The following B3GALT1 variants were observed in gnomAD, a reference collection of about 807,000 sequenced individuals.
B3GALT1 encodes the protein UDP-Gal:betaGlcNAc beta 1,3-galactosyltransferase, polypeptide 1.
A neutral mutation model predicts 23.2 loss-of-function variants in B3GALT1; 10 were observed. The observed-to-expected ratio is 0.43, with a 90% CI of 0.27 to 0.73. The LOEUF (loss-of-function observed/expected upper bound fraction) is 0.73. Among genes scored for constraint, B3GALT1 ranks in the 30% least tolerant of loss-of-function variants. The probability of loss-of-function intolerance (pLI) is 0.21; values close to 1 mark genes in which losing one functional copy is unlikely to be tolerated. For missense variants in B3GALT1, 299 were observed against 405.4 expected (o/e 0.74, Z 2.25); for synonymous variants, 156 against 141.5 (o/e 1.10, Z -0.73).
At chr2:167,553,854 T>G (rs527740884) in intron 2 of B3GALT1, among the ~76,000 whole-genome samples, 1 of 152,276 alleles carries the variant, frequency 6.6e-6, no homozygotes, top group African/African-American at 2.4e-5. Context: ...AAAACAAATT[T>G]TGCAATCACT....
chr2:167,783,990 G>C (rs1688294413), intron 3 of B3GALT1, among the ~76,000 whole-genome samples: 1 of 152,158 alleles, frequency 6.6e-6, no homozygotes, highest in Non-Finnish European at 1.5e-5. Context: ...CAGCAGTGGT[G>C]GTTGTAAAAC....
chr2:167,516,738 T>G (rs1700103823), intron 2 of B3GALT1, among the ~76,000 whole-genome samples: 1 of 152,044 alleles, frequency 6.6e-6, no homozygotes, highest in Admixed American at 6.6e-5. Context: ...TTGTTGTTGT[T>G]GCTATGTTTA....
intron 3 of B3GALT1, among the ~76,000 whole-genome samples, chr2:167,691,101 A>G (rs962812601): frequency 6.6e-6 from 1 of 152,144 alleles, no homozygotes; most frequent in African/African-American, 2.4e-5. Flanking sequence ...ATGATAAGTA[A>G]TTTTCCACTC....
At chr2:167,379,234 ACT>A (rs1047264331) in intron 1 of B3GALT1, among the ~76,000 whole-genome samples, 16 of 152,060 alleles carry the variant, frequency 1.1e-4, no homozygotes, top group Admixed American at 9.2e-4. Context: ...TCTCGTGAGA[ACT>A]CTCTATCATG....
At chr2:167,721,770 G>A (rs867659578) in intron 3 of B3GALT1, among the ~76,000 whole-genome samples, 2 of 152,216 alleles carry the variant, frequency 1.3e-5, no homozygotes, top group African/African-American at 2.4e-5. Context: ...GGCTCTGAGC[G>A]TACCCTGGCC....
intron 4 of B3GALT1, among the ~76,000 whole-genome samples, chr2:167,830,711 C>T (rs769866048): frequency 7.2e-5 from 11 of 152,226 alleles, no homozygotes; most frequent in Middle Eastern, 3.2e-3. Flanking sequence ...TAAGCAAGTG[C>T]TTCCTTAACC....
intron 3 of B3GALT1, among the ~76,000 whole-genome samples, chr2:167,787,168 C>T (rs700541): frequency 0.023 from 3,511 of 152,210 alleles, 134 homozygotes; most frequent in African/African-American, 0.08. Context: ...ACTTTGGAGC[C>T]AGCATGGGGT....
At chr2:167,639,791 CAAAAGA>C (rs1367150059) in intron 2 of B3GALT1, among the ~76,000 whole-genome samples, 1 of 151,980 alleles carries the variant, frequency 6.6e-6, no homozygotes, top group African/African-American at 2.4e-5. Context: ...CATTGTTGAT[CAAAAGA>C]AATAATTAAG....
chr2:167,727,221 T>A (rs1687332329), intron 3 of B3GALT1, among the ~76,000 whole-genome samples: 2 of 152,156 alleles, frequency 1.3e-5, no homozygotes, highest in Non-Finnish European at 2.9e-5. Flanking sequence ...TGTGATTATC[T>A]CCATCAGCTT....
intron 3 of B3GALT1, among the ~76,000 whole-genome samples, chr2:167,677,664 G>GC (rs1686451134): frequency 6.6e-6 from 1 of 152,142 alleles, no homozygotes; most frequent in African/African-American, 2.4e-5. Context: ...AATGTCTCCT[G>GC]CCTTTGTATT....
rs1487950409 is a variant in B3GALT1, at chr2:167,873,892, TATC to T, written c.*3875_*3877del. The stretch of plus-strand genomic sequence containing the variant: ...AACTAAAAATGACAGACACTGAAGA[TATC>T]ATTACACTTTCTTCACCTTCCTCTT... On this transcript the variant is annotated 3_prime_UTR_variant, in exon 5 of 5. Coordinates refer to ENST00000392690, the MANE Select transcript of B3GALT1 (RefSeq NM_020981.4). 6.6e-6 allele frequency: 1 copy of T among 152,228 alleles called. No homozygotes were observed. The highest frequency in any genetic ancestry group is 1.5e-5 in the Non-Finnish European group (1 of 68,038). The allele number at this position is 152,228 out of a possible 1,614,324, so 9.4% of individuals were successfully genotyped here. A position where few individuals can be genotyped will look rare whatever the true frequency, so the allele number is the denominator to read the frequency against.
chr2:167,762,083 G>A (rs1306960464), intron 3 of B3GALT1, among the ~76,000 whole-genome samples: 1 of 152,142 alleles, frequency 6.6e-6, no homozygotes, highest in Non-Finnish European at 1.5e-5. Context: ...AAAAATATAT[G>A]TAGATAGGGA....
intron 2 of B3GALT1, among the ~76,000 whole-genome samples, chr2:167,637,834 T>C (rs1685585855): frequency 6.6e-6 from 1 of 151,952 alleles, no homozygotes; most frequent in Non-Finnish European, 1.5e-5. Context: ...TCCACTCTTT[T>C]TTTTTTTTCT....
intron 1 of B3GALT1, among the ~76,000 whole-genome samples, chr2:167,324,911 C>T (rs558222970): frequency 6.6e-6 from 1 of 152,214 alleles, no homozygotes; most frequent in South Asian, 2.1e-4. Context: ...TCTCTCATTC[C>T]ACTCTCCACC....
chr2:167,410,581 CAG>C (rs1446919751), intron 1 of B3GALT1, among the ~76,000 whole-genome samples: 1 of 150,766 alleles, frequency 6.6e-6, no homozygotes, highest in African/African-American at 2.4e-5. Flanking sequence ...TGGGGCCTGT[CAG>C]GGGCTGGGGG....
intron 1 of B3GALT1, among the ~76,000 whole-genome samples, chr2:167,311,623 CAAACTT>C (rs1394867268): frequency 6.6e-6 from 1 of 151,814 alleles, no homozygotes; most frequent in Admixed American, 6.6e-5. Flanking sequence ...GATCAAAACT[CAAACTT>C]GAAAATGTCT....
At position 167,835,809 on chromosome 2, in the gene B3GALT1, G is replaced by A. The variant is rs573848112; in HGVS notation, c.-230+17016G>A. Among the ~76,000 whole-genome samples, 11 of 152,256 alleles carry A rather than the reference G, an allele frequency of 7.2e-5. 1 individual carries two copies. Among genetic ancestry groups the A allele is most frequent in the Admixed American group, 6.5e-4 (10 of 15,286 alleles). Reference sequence around the variant, plus strand: ...GGGCAGACTGACACCTCACACAGCCGGGTACTCCTCTGAGACAAAACTTCC... The same window carrying A: ...GGGCAGACTGACACCTCACACAGCCAGGTACTCCTCTGAGACAAAACTTCC... On this transcript the variant is annotated intron_variant, in intron 4 of 4. Coordinates refer to ENST00000392690, the MANE Select transcript of B3GALT1 (RefSeq NM_020981.4).
intron 1 of B3GALT1, among the ~76,000 whole-genome samples, chr2:167,384,127 G>A (rs1333293397): frequency 6.6e-6 from 1 of 152,162 alleles, no homozygotes; most frequent in African/African-American, 2.4e-5. Flanking sequence ...GCGAAAAACC[G>A]TGATTCCTTT....
At chr2:167,298,897 C>A (rs543870656) in intron 1 of B3GALT1, among the ~76,000 whole-genome samples, 158 of 151,022 alleles carry the variant, frequency 1.0e-3, no homozygotes, top group African/African-American at 3.4e-3. Flanking sequence ...AACAAAAAAA[C>A]TAGGTAGAGA....
Sources: allele counts gnomAD v4.1 joint callset (sites outside exome capture counted in the v4.1 genomes callset), GRCh38; gene constraint gnomAD v4.1.1; transcripts MANE v1.5; gene names NCBI Gene and HGNC (gene_info 2026-07-23, HGNC 2026-07-21).